The following APP variants were observed in gnomAD, a reference collection of about 807,000 sequenced individuals.
The protein encoded by APP is amyloid-beta precursor protein.
A neutral mutation model predicts 101.4 loss-of-function variants in APP; 31 were observed. That is an observed-to-expected ratio of 0.31 (90% CI 0.23 to 0.41). The LOEUF (loss-of-function observed/expected upper bound fraction) is 0.41, where lower values mean the gene tolerates loss of function less well. APP is among the 10% of genes least tolerant of loss of function. The pLI, the probability that APP is intolerant of heterozygous loss-of-function variation, is 1.00. For synonymous variants in APP, 366 were observed against 364.4 expected, an observed-to-expected ratio of 1.00 and a Z score of -0.05; for missense variants, 839 against 1,003.7, an observed-to-expected ratio of 0.84 and a Z score of 2.22.
At chr21:26,075,842 C>G (rs2061488637) in intron 3 of APP, among the ~76,000 whole-genome samples, 1 of 152,136 alleles carries the variant, frequency 6.6e-6, no homozygotes, top group Non-Finnish European at 1.5e-5. Flanking sequence ...CTCAAGGCTA[C>G]CAACACAAAC....
chr21:25,902,875 A>C (rs752879762), intron 15 of APP, among the ~76,000 whole-genome samples: 14 of 152,154 alleles, frequency 9.2e-5, no homozygotes, highest in Non-Finnish European at 1.8e-4. Flanking sequence ...CAAACCTAGA[A>C]AGAATTTAGT....
chr21:25,950,177 C>T (rs1445528288), intron 13 of APP, among the ~76,000 whole-genome samples: 1 of 152,142 alleles, frequency 6.6e-6, no homozygotes, highest in Non-Finnish European at 1.5e-5. Context: ...CAACGGGGAA[C>T]ATTCATAAAG....
intron 6 of APP, among the ~76,000 whole-genome samples, chr21:26,003,435 G>A (rs975077765): frequency 7.9e-5 from 12 of 152,198 alleles, no homozygotes; most frequent in Admixed American, 2.0e-4. Context: ...GCCCCCAAGA[G>A]TTTCACTGCC....
At chr21:26,156,697 T>C (rs977189187) in intron 1 of APP, among the ~76,000 whole-genome samples, 3 of 152,150 alleles carry the variant, frequency 2.0e-5, no homozygotes, top group East Asian at 1.9e-4. Flanking sequence ...TTCAGAAATA[T>C]ACATTCTTTG....
intron 1 of APP, among the ~76,000 whole-genome samples, chr21:26,152,121 A>G (rs2063285394): frequency 1.3e-5 from 2 of 151,922 alleles, no homozygotes; most frequent in South Asian, 2.1e-4. Context: ...CTAAAAATAC[A>G]AAACAAAAAC....
At chr21:26,152,284 C>CAAAAAAAAACAAAA (rs2063291754) in intron 1 of APP, among the ~76,000 whole-genome samples, 1 of 36,202 alleles carries the variant, frequency 2.8e-5, no homozygotes, top group African/African-American at 1.5e-4. Context: ...GACTCCATCT[C>CAAAAAAAAACAAAA]AAAAAAAAAA....
intron 1 of APP, among the ~76,000 whole-genome samples, chr21:26,165,640 A>G (rs1312138814): frequency 1.3e-5 from 2 of 152,224 alleles, no homozygotes; most frequent in Non-Finnish European, 2.9e-5. Flanking sequence ...CAGAGGTGAC[A>G]TTTTTAAAAA....
intron 3 of APP, among the ~76,000 whole-genome samples, chr21:26,062,136 G>A (rs1169220516): frequency 2.0e-5 from 3 of 151,732 alleles, no homozygotes; most frequent in Non-Finnish European, 4.4e-5. Context: ...CCCGAACCAG[G>A]GAGGCGGAGG....
chr21:26,151,262 C>T (rs1569036565), intron 1 of APP, among the ~76,000 whole-genome samples: 1 of 152,176 alleles, frequency 6.6e-6, no homozygotes, highest in Non-Finnish European at 1.5e-5. Context: ...ATGTAACCCA[C>T]TTCATGCTCC....
intron 1 of APP, among the ~76,000 whole-genome samples, chr21:26,132,453 T>C (rs2062815009): frequency 6.6e-6 from 1 of 152,188 alleles, no homozygotes; most frequent in Non-Finnish European, 1.5e-5. Flanking sequence ...GGCACTGAAT[T>C]AGACTTTTAA....
intron 1 of APP, among the ~76,000 whole-genome samples, chr21:26,157,645 A>T (rs925616145): frequency 2.0e-5 from 3 of 152,226 alleles, no homozygotes; most frequent in African/African-American, 7.2e-5. Flanking sequence ...ATTTCAAAGC[A>T]TACTTTCTGT....
rs1212082541 is a variant in APP at position 26,051,187 on chromosome 21, T to C, written c.475A>G (p.Ser159Gly). 1 of 1,613,466 alleles carries C rather than the reference T, an allele frequency of 6.2e-7. No homozygotes were observed. The highest frequency in any genetic ancestry group is 1.7e-5 in the Admixed American group (1 of 59,936). ...TCATGCAAGTTGGTACTCTTCTCAC[T>C]GCATGTCTACAAAGTGTAAGGAGAA... ...HWHTVAKETC[S>G]EKSTNLHDYG... is the part of the protein sequence containing the mutation. The change falls in exon 5 of 18, where the codon AGT (serine) becomes GGT (glycine). Residue 159 changes from serine to glycine, a missense_variant. Coordinates refer to ENST00000346798, the MANE Select transcript of APP (RefSeq NM_000484.4).
Position 26,094,154 on chromosome 21 carries a change from T to C in APP, c.226-4082A>G, listed in dbSNP as rs923556302. Among the ~76,000 whole-genome samples the C allele has an allele frequency of 3.6e-4, 54 of 151,750 alleles. 1 individual carries two copies. Among genetic ancestry groups the C allele is most frequent in the African/African-American group, 1.3e-3 (53 of 41,382 alleles). On this transcript the variant is annotated intron_variant, in intron 2 of 17. Transcript: ENST00000346798. Reference sequence around the variant, plus strand: ...AAAAATTTGAACCACATAAAGCCCATGCATAGTTTTTTCCTACTGTCCTAT... The same window carrying C: ...AAAAATTTGAACCACATAAAGCCCACGCATAGTTTTTTCCTACTGTCCTAT...
intron 13 of APP, among the ~76,000 whole-genome samples, chr21:25,952,230 A>G (rs2041118322): frequency 6.7e-6 from 1 of 149,920 alleles, no homozygotes; most frequent in South Asian, 2.1e-4. Flanking sequence ...ACACACATTA[A>G]GAGCACATAC....
chr21:26,014,381 G>C (rs1193338391), intron 6 of APP, among the ~76,000 whole-genome samples: 1 of 152,176 alleles, frequency 6.6e-6, no homozygotes, highest in Non-Finnish European at 1.5e-5. Context: ...TTCTCCCCTT[G>C]AGATCAATAC....
intron 13 of APP, among the ~76,000 whole-genome samples, chr21:25,936,808 G>C (rs2040383673): frequency 6.6e-6 from 1 of 152,176 alleles, no homozygotes; most frequent in South Asian, 2.1e-4. Context: ...GTCACACTCA[G>C]ACAAAAGAAA....
chr21:25,996,211 T>C (rs1212367097), intron 8 of APP, among the ~76,000 whole-genome samples: 1 of 152,136 alleles, frequency 6.6e-6, no homozygotes, highest in African/African-American at 2.4e-5. Flanking sequence ...GGCTGGACAA[T>C]GCATTTCTTT....
At chr21:26,133,527 T>C (rs1031969886) in intron 1 of APP, among the ~76,000 whole-genome samples, 2 of 152,158 alleles carry the variant, frequency 1.3e-5, no homozygotes, top group Admixed American at 1.3e-4. Flanking sequence ...GGCTCATGCC[T>C]GTAATCCCAG....
chr21:26,151,429 T>C (rs1016958457), intron 1 of APP, among the ~76,000 whole-genome samples: 7 of 152,212 alleles, frequency 4.6e-5, no homozygotes, highest in African/African-American at 1.7e-4. Flanking sequence ...TTGTTTGAAC[T>C]ACTAGATCAG....
Sources: allele counts gnomAD v4.1 joint callset (sites outside exome capture counted in the v4.1 genomes callset), GRCh38; gene constraint gnomAD v4.1.1; transcripts MANE v1.5; gene names NCBI Gene and HGNC (gene_info 2026-07-23, HGNC 2026-07-21).